The following TSC22D2 variants were observed in gnomAD, a reference collection of about 807,000 sequenced individuals.
TSC22D2 encodes the protein TSC22 domain family protein 2.
TSC22D2 carries 5 observed loss-of-function variants against 50.1 expected under a neutral mutation model. The ratio of observed to expected loss-of-function variants is 0.10; its 90% CI spans 0.05 to 0.21. The LOEUF is 0.21. Among genes scored for constraint, TSC22D2 ranks in the 10% least tolerant of loss-of-function variants. The probability of loss-of-function intolerance (pLI) is 1.00; values close to 1 mark genes in which losing one functional copy is unlikely to be tolerated. For missense variants in TSC22D2, 1,003 were observed against 1,015.5 expected (o/e 0.99, Z 0.17); for synonymous variants, 501 against 450.1 (o/e 1.11, Z -1.43).
chr3:150,422,298 G>A (rs1045413612), intron 1 of TSC22D2, among the ~76,000 whole-genome samples: 2 of 152,154 alleles, frequency 1.3e-5, no homozygotes, highest in African/African-American at 4.8e-5. Context: ...CGTGGAACCA[G>A]TCCCTAGATT....
rs189396972 is a variant in TSC22D2, at chr3:150,433,906, C to T, written c.1958+22598C>T. Reference sequence around the variant, plus strand: ...CCTGGGCAACATGGCAAAACCTCATCTCTACAAAAAACACAAAAATTAGCC... The same window carrying T: ...CCTGGGCAACATGGCAAAACCTCATTTCTACAAAAAACACAAAAATTAGCC... On this transcript the variant is annotated intron_variant, in intron 1 of 2. Transcript: ENST00000688009. 1.3e-3 allele frequency among the ~76,000 whole-genome samples: 193 copies of T among 152,186 alleles called. 1 individual carries two copies. The South Asian group carries it at 0.023, about 18-fold the overall frequency.
Position 150,458,352 on chromosome 3 carries a change from C to T in TSC22D2, c.2011-24C>T, listed in dbSNP as rs764314076. On this transcript the variant is annotated intron_variant, in intron 2 of 2. Transcript: ENST00000688009. ...CACCTTTATCTTTTCACTCTTTTGACATTCCTAATTTTGTTTTTCACAGGA... is the reference window on the plus strand; with the variant it reads ...CACCTTTATCTTTTCACTCTTTTGATATTCCTAATTTTGTTTTTCACAGGA... The T allele has an allele frequency of 2.5e-6, 4 of 1,601,090 alleles. 1 individual carries two copies. The Admixed American group carries it at 6.8e-5, about 27-fold the overall frequency.
rs147415411 is a variant in TSC22D2 at position 150,458,591 on chromosome 3, G to A, written c.2226G>A (p.Pro742=). The A allele has an allele frequency of 1.4e-4, 229 of 1,613,998 alleles. No individual in the cohort carries two copies. The African/African-American group carries it at 2.4e-3, about 17-fold the overall frequency. ...SQQQAVIAQP[P]QPTQPPQQPN... is the part of the protein sequence containing the mutation. The stretch of plus-strand genomic sequence containing the variant: ...AGCAAGCAGTGATAGCACAGCCTCC[G>A]CAGCCAACGCAACCTCCACAGCAGC... Residue 742 remains proline (P), a synonymous_variant, in exon 3 of 3, where the codon CCG becomes CCA. Coordinates refer to ENST00000688009, the MANE Select transcript of TSC22D2 (RefSeq NM_001303264.2).
rs905303438 is a variant in TSC22D2, at chr3:150,462,952, T to G, written c.*4316T>G. ...CCGCACCCAGCTGCCTATTTTCTTG[T>G]CCCTCCAAAAAAAGATTAAAGAGTC... is the stretch of plus-strand genomic sequence containing the variant. On this transcript the variant is annotated 3_prime_UTR_variant, in exon 3 of 3. Coordinates refer to ENST00000688009, the MANE Select transcript of TSC22D2 (RefSeq NM_001303264.2). 1 of 152,206 alleles carries G rather than the reference T, an allele frequency of 6.6e-6. No homozygotes were observed. Among genetic ancestry groups the G allele is most frequent in the Non-Finnish European group, 1.5e-5 (1 of 68,058 alleles). 9.4% of individuals were successfully genotyped at this position (152,206 alleles called of 1,614,324 possible). A position where few individuals can be genotyped will look rare whatever the true frequency, so the allele number is the denominator to read the frequency against.
chr3:150,450,733 AATTAT>A (rs1324876362), intron 1 of TSC22D2, among the ~76,000 whole-genome samples: 1 of 152,096 alleles, frequency 6.6e-6, no homozygotes, highest in Admixed American at 6.6e-5. Context: ...GGATTTTTAA[AATTAT>A]ATTTAACCTC....
rs114519986 is a variant in TSC22D2 at position 150,454,868 on chromosome 3, G to A, written c.1959-2208G>A. 2.2e-3 allele frequency among the ~76,000 whole-genome samples: 336 copies of A among 152,056 alleles called. 1 individual carries two copies. Among genetic ancestry groups the A allele is most frequent in the African/African-American group, 7.9e-3 (326 of 41,490 alleles). On this transcript the variant is annotated intron_variant, in intron 1 of 2. Coordinates refer to ENST00000688009, the MANE Select transcript of TSC22D2 (RefSeq NM_001303264.2). ...TCTGTTGTCATAAAAGAGATCTTAGGACAAGAGTTTGTTAGGTCAGCATTC... is the reference window on the plus strand; with the variant it reads ...TCTGTTGTCATAAAAGAGATCTTAGAACAAGAGTTTGTTAGGTCAGCATTC...
chr3:150,431,308 TAAG>T (rs1294106375), intron 1 of TSC22D2, among the ~76,000 whole-genome samples: 2 of 150,526 alleles, frequency 1.3e-5, no homozygotes, highest in African/African-American at 2.4e-5. Flanking sequence ...TTATGTTTCC[TAAG>T]AAGATTATTC....
At chr3:150,415,082 A>G (rs112162292) in intron 1 of TSC22D2, among the ~76,000 whole-genome samples, 1 of 152,070 alleles carries the variant, frequency 6.6e-6, no homozygotes, top group Non-Finnish European at 1.5e-5. Context: ...TGTATTCATC[A>G]GGGATTACTG....
chr3:150,412,907 C>T (rs1313435591), intron 1 of TSC22D2, among the ~76,000 whole-genome samples: 1 of 152,132 alleles, frequency 6.6e-6, no homozygotes, highest in Non-Finnish European at 1.5e-5. Flanking sequence ...GATAAGTTGG[C>T]AAATAACCTT....
intron 1 of TSC22D2, among the ~76,000 whole-genome samples, chr3:150,431,598 A>G (rs1720382895): frequency 6.6e-6 from 1 of 152,210 alleles, no homozygotes; most frequent in Admixed American, 6.5e-5. Context: ...AAAATGCAGT[A>G]TTAATGTTTT....
chr3:150,413,658 A>T (rs953858047), intron 1 of TSC22D2, among the ~76,000 whole-genome samples: 10 of 151,094 alleles, frequency 6.6e-5, no homozygotes, highest in Non-Finnish European at 1.3e-4. Flanking sequence ...TTTTCCAGGC[A>T]TATGTTTAAA....
At chr3:150,455,513 A>G (rs1721158488) in intron 1 of TSC22D2, among the ~76,000 whole-genome samples, 1 of 152,230 alleles carries the variant, frequency 6.6e-6, no homozygotes, top group South Asian at 2.1e-4. Context: ...GTAGTTTCCC[A>G]TGTAATGATT....
chr3:150,456,996 C>T, intron 1 of TSC22D2, 80 bp from the exon 2 acceptor site: 1 of 1,301,072 alleles, frequency 7.7e-7, no homozygotes. Context: ...AAGTGAAACA[C>T]AAATGTCTTT....
At chr3:150,457,444 T>C (rs1868672) in intron 2 of TSC22D2, among the ~76,000 whole-genome samples, 88,285 of 151,628 alleles carry the variant, frequency 0.58, 26,104 homozygotes, top group Non-Finnish European at 0.64. Context: ...TACTTTAGAG[T>C]GAAAAAGAGT....
At chr3:150,449,592 G>A (rs1021306846) in intron 1 of TSC22D2, among the ~76,000 whole-genome samples, 1 of 152,072 alleles carries the variant, frequency 6.6e-6, no homozygotes, top group Admixed American at 6.6e-5. Flanking sequence ...TTTAATAGAT[G>A]CATACTATTT....
In TSC22D2 at chr3:150,463,283, A is replaced by T. The variant is rs895662655; in HGVS notation, c.*4647A>T. 2 of 152,280 alleles carry T rather than the reference A, an allele frequency of 1.3e-5. No homozygotes were observed. The highest frequency in any genetic ancestry group is 2.9e-5 in the Non-Finnish European group (2 of 68,086). The allele number at this position is 152,280 out of a possible 1,614,324, so 9.4% of individuals were successfully genotyped here. On this transcript the variant is annotated 3_prime_UTR_variant, in exon 3 of 3. Coordinates refer to ENST00000688009, the MANE Select transcript of TSC22D2 (RefSeq NM_001303264.2). ...GTAGGTACTGACAGCCCAAGGCAGA[A>T]TAGGTTTTGCTAGGCTTTAGCCTTT...
At chr3:150,458,127 CAATTT>C (rs1312433532) in intron 2 of TSC22D2, among the ~76,000 whole-genome samples, 1 of 150,616 alleles carries the variant, frequency 6.6e-6, no homozygotes, top group South Asian at 2.1e-4. Flanking sequence ...GCTTAGTTGA[CAATTT>C]AAGAAGCTAG....
At chr3:150,423,000 A>T in intron 1 of TSC22D2, 1 of 1,373,448 alleles carries the variant, frequency 7.3e-7, no homozygotes, top group Non-Finnish European at 1.0e-6. Context: ...AGTAGTGATT[A>T]TACTGTACGT....
rs185010259 is a variant in TSC22D2, at chr3:150,423,389, T to G, written c.1958+12081T>G. ...GTGTTGAATTTTTCTTATGAAATAGTCACTTCCCCAGTGTATTTTAATGCA... is the reference window on the plus strand; with the variant it reads ...GTGTTGAATTTTTCTTATGAAATAGGCACTTCCCCAGTGTATTTTAATGCA... On this transcript the variant is annotated intron_variant, in intron 1 of 2. Transcript: ENST00000688009. The G allele has an allele frequency of 3.2e-3, 715 of 225,118 alleles. 3 individuals are homozygous for G. Among genetic ancestry groups the G allele is most frequent in the Non-Finnish European group, 5.1e-3 (591 of 116,278 alleles). The allele number at this position is 225,118 out of a possible 1,614,324, so 13.9% of individuals were successfully genotyped here.
Sources: allele counts gnomAD v4.1 joint callset (sites outside exome capture counted in the v4.1 genomes callset), GRCh38; gene constraint gnomAD v4.1.1; transcripts MANE v1.5; gene names NCBI Gene and HGNC (gene_info 2026-07-23, HGNC 2026-07-21).